MSH3: variants seen among roughly 807,000 people sequenced by gnomAD.
The protein encoded by MSH3 is mutS homolog 3.
In MSH3, 106 loss-of-function variants were observed where a neutral mutation model predicts 123.3. The observed-to-expected ratio is 0.86, with a 90% CI of 0.73 to 1.01. The LOEUF (loss-of-function observed/expected upper bound fraction) is 1.01, where lower values mean the gene tolerates loss of function less well. MSH3 is among the 50% of genes least tolerant of loss of function. The pLI is 0.00. For missense variants in MSH3, 1,459 were observed against 1,347.6 expected (o/e 1.08, Z -1.29); for synonymous variants, 515 against 481.4 (o/e 1.07, Z -0.91).
intron 8 of MSH3, among the ~76,000 whole-genome samples, chr5:80,684,207 C>T (rs1452505618): frequency 6.6e-6 from 1 of 152,028 alleles, no homozygotes; most frequent in African/African-American, 2.4e-5. Flanking sequence ...TAATTTTTTC[C>T]ATTTCTGTGA....
At chr5:80,841,661 A>G (rs1422457353) in intron 20 of MSH3, among the ~76,000 whole-genome samples, 1 of 152,200 alleles carries the variant, frequency 6.6e-6, no homozygotes, top group Non-Finnish European at 1.5e-5. Context: ...ACCAGTGATG[A>G]TGAGCATTTT....
chr5:80,825,296 GT>G (rs915398502), intron 20 of MSH3, among the ~76,000 whole-genome samples: 1 of 152,086 alleles, frequency 6.6e-6, no homozygotes. Context: ...ACTCACTGAT[GT>G]TTTTTGAAAC....
intron 8 of MSH3, among the ~76,000 whole-genome samples, chr5:80,680,804 T>C (rs1235203610): frequency 2.0e-5 from 3 of 152,174 alleles, no homozygotes; most frequent in Admixed American, 2.0e-4. Flanking sequence ...TCCTCTAATA[T>C]TTCAGTAGGT....
intron 20 of MSH3, among the ~76,000 whole-genome samples, chr5:80,826,106 T>C (rs1045634968): frequency 1.3e-5 from 2 of 152,240 alleles, no homozygotes; most frequent in African/African-American, 4.8e-5. Flanking sequence ...TTAGAACAGC[T>C]GCATCAGAAT....
intron 17 of MSH3, 26 bp from the exon 18 acceptor site, chr5:80,787,539 T>C (rs1744530168): frequency 1.3e-6 from 2 of 1,508,018 alleles, no homozygotes; most frequent in Non-Finnish European, 1.8e-6. Flanking sequence ...TTGCTCACCT[T>C]TTTGTTGTTG....
At chr5:80,824,093 T>A (rs1745248101) in intron 20 of MSH3, among the ~76,000 whole-genome samples, 1 of 152,252 alleles carries the variant, frequency 6.6e-6, no homozygotes, top group Non-Finnish European at 1.5e-5. Context: ...TATGTCTACT[T>A]CTTTCTACAC....
intron 6 of MSH3, among the ~76,000 whole-genome samples, chr5:80,673,833 T>C (rs1749774069): frequency 6.6e-6 from 1 of 152,106 alleles, no homozygotes; most frequent in Admixed American, 6.5e-5. Flanking sequence ...GCCAAATAAT[T>C]ATATGTAAAA....
At chr5:80,865,364 T>C (rs546493689) in intron 22 of MSH3, among the ~76,000 whole-genome samples, 1 of 152,284 alleles carries the variant, frequency 6.6e-6, no homozygotes, top group South Asian at 2.1e-4. Context: ...GGCCATATAC[T>C]GTACTGGACA....
At chr5:80,737,793 T>C (rs1283328418) in intron 10 of MSH3, among the ~76,000 whole-genome samples, 2 of 152,164 alleles carry the variant, frequency 1.3e-5, no homozygotes, top group African/African-American at 2.4e-5. Context: ...TTACGAAATA[T>C]ATGGGAACTC....
intron 20 of MSH3, among the ~76,000 whole-genome samples, chr5:80,834,110 G>A (rs1037293882): frequency 6.6e-6 from 1 of 152,126 alleles, no homozygotes; most frequent in Non-Finnish European, 1.5e-5. Context: ...TGTGTATTCA[G>A]CATTGCTACT....
chr5:80,724,713 G>A (rs1358546347), intron 8 of MSH3, among the ~76,000 whole-genome samples: 1 of 152,110 alleles, frequency 6.6e-6, no homozygotes, highest in African/African-American at 2.4e-5. Context: ...TTAGCAGAAA[G>A]TCCCTCAAAG....
intron 20 of MSH3, among the ~76,000 whole-genome samples, chr5:80,843,380 C>G (rs1354223886): frequency 1.3e-5 from 2 of 152,138 alleles, no homozygotes; most frequent in Non-Finnish European, 2.9e-5. Flanking sequence ...TTTGTTGTGT[C>G]TCTGCCAGGT....
rs2112866839 is a variant in MSH3 at position 80,741,527 on chromosome 5, T to C, written c.1632T>C (p.Asn544=). 1 of 1,610,022 alleles carries C rather than the reference T, an allele frequency of 6.2e-7. No homozygotes were observed. The change falls in exon 11 of 24, where the codon AAT becomes AAC. Residue 544 remains asparagine, a synonymous_variant. Transcript: ENST00000265081. ...CAATTAATGGAACAACATTAAGGAA[T>C]CTGGAAATCCTACAGAATCAGGTCA... ...FMTINGTTLR[N]LEILQNQTDM...
chr5:80,746,324 C>A, intron 12 of MSH3: 1 of 344,028 alleles, frequency 2.9e-6, no homozygotes, highest in Non-Finnish European at 5.7e-6. Context: ...AGTGTGACGG[C>A]GTCAAGGACG....
intron 17 of MSH3, 143 bp downstream of exon 17, chr5:80,778,979 TCTTTTTTTTTTTTTTTA>T (rs1183950163): frequency 3.5e-6 from 2 of 566,428 alleles, no homozygotes; most frequent in Non-Finnish European, 6.2e-6. Context: ...TGATTTTATT[TCTTTTTTTTTTTTTTTA>T]CTTTTTTTTT....
rs2112880024 is a variant in MSH3 at position 80,761,650 on chromosome 5, G to T, written c.1868G>T (p.Arg623Met). ...CTACGTAAATTGCCCGACATAGAGA[G>T]GGGACTCTGTAGCATTTATCACAAA... ...NHLRKLPDIE[R>M]GLCSIYHKKC... is the part of the protein sequence containing the mutation. Residue 623 changes from arginine to methionine, a missense_variant, in exon 13 of 24, where the codon AGG becomes ATG. Physicochemically the swap from Arg to Met is moderately conservative, Grantham distance 91. Coordinates refer to ENST00000265081, the MANE Select transcript of MSH3 (RefSeq NM_002439.5). The T allele has an allele frequency of 6.2e-7, 1 of 1,614,050 alleles. No homozygotes were observed. Among genetic ancestry groups the T allele is most frequent in the Non-Finnish European group, 8.5e-7 (1 of 1,179,984 alleles).
At position 80,852,239 on chromosome 5, in the gene MSH3, C is replaced by T. The variant is rs544488585; in HGVS notation, c.2814-1891C>T. 1.5e-3 allele frequency among the ~76,000 whole-genome samples: 230 copies of T among 152,206 alleles called. 1 individual carries two copies. The highest frequency in any genetic ancestry group is 5.4e-3 in the African/African-American group (223 of 41,524). On this transcript the variant is annotated intron_variant, in intron 20 of 23. Transcript: ENST00000265081. ...TATTCAGGAGTCTGAGGTGGGCACT[C>T]GCTTGAGCCTGGGAGGTTGAGGCTG... is the stretch of plus-strand genomic sequence containing the variant.
chr5:80,658,437 T>C (rs1749347642), intron 2 of MSH3, among the ~76,000 whole-genome samples: 1 of 152,208 alleles, frequency 6.6e-6, no homozygotes, highest in South Asian at 2.1e-4. Context: ...GTAACTTAAC[T>C]AAGACCACAT....
intron 20 of MSH3, among the ~76,000 whole-genome samples, chr5:80,853,279 C>G (rs986487054): frequency 2.0e-5 from 3 of 152,112 alleles, no homozygotes; most frequent in Non-Finnish European, 4.4e-5. Context: ...CAAGATCAGC[C>G]TAGCCAAAAT....
Sources: gnomAD v4.1 joint callset for allele counts (sites outside exome capture counted in the v4.1 genomes callset) on GRCh38, gnomAD v4.1.1 for gene constraint, MANE v1.5 for transcripts, NCBI Gene and HGNC (gene_info 2026-07-23, HGNC 2026-07-21) for gene names.